The following CPT2 variants were observed in gnomAD, a reference collection of about 807,000 sequenced individuals.
CPT2 encodes carnitine palmitoyltransferase 2.
A neutral mutation model predicts 48.6 loss-of-function variants in CPT2; 37 were observed. The observed-to-expected ratio is 0.76, with a 90% CI of 0.59 to 1.00. The LOEUF (loss-of-function observed/expected upper bound fraction) is 1.00, where lower values mean the gene tolerates loss of function less well. Ranked by LOEUF, CPT2 falls within the 50% of genes least tolerant of loss-of-function variation. The pLI, the probability that CPT2 is intolerant of heterozygous loss-of-function variation, is 0.00. For synonymous variants in CPT2, 319 were observed against 326.9 expected (o/e 0.98, Z 0.26); for missense variants, 772 against 825.6 (o/e 0.94, Z 0.80).
chr1:53,207,946 C>G (rs1432772253), intron 3 of CPT2: 1 of 152,172 alleles, frequency 6.6e-6, no homozygotes. Context: ...TTCTCTCCTG[C>G]CAATTTAGGA....
chr1:53,208,156 C>T (rs1645399693), intron 3 of CPT2: 1 of 152,182 alleles, frequency 6.6e-6, no homozygotes, highest in Non-Finnish European at 1.5e-5. Flanking sequence ...TTTTCTCTCA[C>T]CATTTTAGTG....
At chr1:53,200,538 G>A (rs1645348018) in intron 1 of CPT2, 181 bp from the exon 2 acceptor site, 1 of 597,720 alleles carries the variant, frequency 1.7e-6, no homozygotes. Context: ...TTACTTAAAA[G>A]TAGAGTTACC....
At position 53,210,812 on chromosome 1, in the gene CPT2, G is replaced by C. The variant is rs144875040; in HGVS notation, c.1138G>C (p.Val380Leu). ...GCACTCTTGGGGTGATGGTGTGGCAGTGCTCAGATTTTTTAATGAAGTATT... is the reference window on the plus strand; with the variant it reads ...GCACTCTTGGGGTGATGGTGTGGCACTGCTCAGATTTTTTAATGAAGTATT... ...FEHSWGDGVA[V>L]LRFFNEVFKD... The change falls in exon 4 of 5, where the codon GTG becomes CTG. Residue 380 changes from valine to leucine, a missense_variant. Physicochemically the swap from Val to Leu is conservative, Grantham distance 32. Coordinates refer to ENST00000371486, the MANE Select transcript of CPT2 (RefSeq NM_000098.3). 1 of 1,614,064 alleles carries C rather than the reference G, an allele frequency of 6.2e-7. No homozygotes were observed. The highest frequency in any genetic ancestry group is 1.3e-5 in the African/African-American group (1 of 74,926).
At position 53,210,458 on chromosome 1, in the gene CPT2, A is replaced by G; in HGVS notation, c.784A>G (p.Asn262Asp). The G allele has an allele frequency of 6.2e-7, 1 of 1,614,136 alleles. No homozygotes were observed. Among genetic ancestry groups the G allele is most frequent in the African/African-American group, 1.3e-5 (1 of 75,032 alleles). ...CTTTGATGTCCTGGATCAAGATGGG[A>G]ACATTGTGAGCCCCTCGGAAATCCA... ...YIFDVLDQDG[N>D]IVSPSEIQAH... is the part of the protein sequence containing the mutation. Residue 262 changes from asparagine to aspartate, a missense_variant, in exon 4 of 5, where the codon AAC becomes GAC. Asn to Asp is a conservative substitution (Grantham distance 23). Coordinates refer to ENST00000371486, the MANE Select transcript of CPT2 (RefSeq NM_000098.3).
rs1553169813 is a variant in CPT2, at chr1:53,211,280, T to TC, written c.1608dup (p.Lys537GlnfsTer17). On this transcript the variant is annotated frameshift_variant, in exon 4 of 5. Coordinates refer to ENST00000371486, the MANE Select transcript of CPT2 (RefSeq NM_000098.3). LOFTEE classifies it high-confidence loss of function. ...GCTTCAGCAGATGATGGTTGAGTGC[T>TC]CCAAGTACCATGGCCAGCTGACCAA... 6 of 1,611,058 alleles carry TC rather than the reference T, an allele frequency of 3.7e-6. No individual in the cohort carries two copies. Among genetic ancestry groups the TC allele is most frequent in the African/African-American group, 1.3e-5 (1 of 74,834 alleles).
intron 1 of CPT2, among the ~76,000 whole-genome samples, chr1:53,198,545 C>A (rs1461925654): frequency 6.6e-6 from 1 of 152,174 alleles, no homozygotes; most frequent in Non-Finnish European, 1.5e-5. Flanking sequence ...TGTGTATGAG[C>A]TGAGCCAGTA....
Position 53,208,174 on chromosome 1 carries a change from T to C in CPT2, c.341-1841T>C, listed in dbSNP as rs1419360350. The C allele has an allele frequency of 2.0e-5, 3 of 152,230 alleles. No individual in the cohort carries two copies. In the South Asian group the frequency reaches 6.2e-4, roughly 32 times the overall value. The allele number at this position is 152,230 out of a possible 1,614,324, so 9.4% of individuals were successfully genotyped here. A position where few individuals can be genotyped will look rare whatever the true frequency, so the allele number is the denominator to read the frequency against. ...TCTCTCACCATTTTAGTGCATTGCG[T>C]TATGTTTTAATTATTTGCCTCCTTC... On this transcript the variant is annotated intron_variant, in intron 3 of 4. Transcript: ENST00000371486.
rs1250704536 is a variant in CPT2, at chr1:53,211,649, G to C, written c.1645+330G>C. The C allele has an allele frequency of 7.7e-5, 31 of 400,268 alleles. No individual in the cohort carries two copies. In the Admixed American group the frequency reaches 9.0e-4, roughly 12 times the overall value. The allele number at this position is 400,268 out of a possible 1,614,324, so 24.8% of individuals were successfully genotyped here. A position where few individuals can be genotyped will look rare whatever the true frequency, so the allele number is the denominator to read the frequency against. ...CAAGAGTTTCCCTCCGTCCAGGCTG[G>C]AGTGCAATGGCGTGATCTCGGCTCA... On this transcript the variant is annotated intron_variant, in intron 4 of 4. Transcript: ENST00000371486.
intron 3 of CPT2, chr1:53,204,146 G>A (rs1645371540): frequency 6.6e-6 from 1 of 152,048 alleles, no homozygotes; most frequent in African/African-American, 2.4e-5. Context: ...TCAGGTCTGG[G>A]ATATTTCCTT....
chr1:53,209,953 C>G, intron 3 of CPT2, 62 bp from the exon 4 acceptor site: 1 of 1,458,504 alleles, frequency 6.9e-7, no homozygotes, highest in Non-Finnish European at 9.5e-7. Context: ...TTTTCTTCTT[C>G]AAATTTTATT....
In CPT2 at chr1:53,200,702, C is replaced by G; in HGVS notation, c.153-17C>G. 1 of 1,597,996 alleles carries G rather than the reference C, an allele frequency of 6.3e-7. No homozygotes were observed. The highest frequency in any genetic ancestry group is 8.6e-7 in the Non-Finnish European group (1 of 1,165,440). On this transcript the variant is annotated splice_polypyrimidine_tract_variant and intron_variant, in intron 1 of 4. Transcript: ENST00000371486. ...CCATATACTGTCAGCCTTACACTGA[C>G]CCTGCTTTCTCCCCAGGCTGCCTAT...
intron 1 of CPT2, among the ~76,000 whole-genome samples, chr1:53,197,860 C>A (rs568707558): frequency 6.6e-6 from 1 of 152,110 alleles, no homozygotes; most frequent in Non-Finnish European, 1.5e-5. Context: ...ACCCTCAGTA[C>A]CCCATCCACA....
chr1:53,200,834 G>C (rs1417714327), intron 2 of CPT2, 35 bp downstream of exon 2: 4 of 1,547,798 alleles, frequency 2.6e-6, no homozygotes, highest in Non-Finnish European at 3.6e-6. Flanking sequence ...GCATAGTTGG[G>C]GTGGTTCAAG....
At chr1:53,204,041 T>C (rs937878354) in intron 3 of CPT2, 1 of 152,176 alleles carries the variant, frequency 6.6e-6, no homozygotes, top group Non-Finnish European at 1.5e-5. Flanking sequence ...TTTTTAGAAT[T>C]TTCTCTTTGT....
chr1:53,211,373 A>C, intron 4 of CPT2, 54 bp downstream of exon 4: 1 of 1,476,778 alleles, frequency 6.8e-7, no homozygotes, highest in Non-Finnish European at 9.2e-7. Context: ...TGCTTGGGTA[A>C]GCAAGCCTAA....
chr1:53,210,111 A>C lies in CPT2; in HGVS notation c.437A>C (p.Asn146Thr), dbSNP rs1421884026. The C allele has an allele frequency of 6.2e-7, 1 of 1,614,134 alleles. No individual in the cohort carries two copies. Among genetic ancestry groups the C allele is most frequent in the Non-Finnish European group, 8.5e-7 (1 of 1,180,028 alleles). ...AATCCTGACCCAAAATCTGAGTATA[A>C]TGACCAGCTCACCCGGGCAACCAAC... is the stretch of plus-strand genomic sequence containing the variant. ...AFNPDPKSEY[N>T]DQLTRATNMT... The change falls in exon 4 of 5, where the codon AAT (asparagine) becomes ACT (threonine). Residue 146 changes from asparagine (N) to threonine (T), a missense_variant. Coordinates refer to ENST00000371486, the MANE Select transcript of CPT2 (RefSeq NM_000098.3).
intron 1 of CPT2, 143 bp downstream of exon 1, chr1:53,197,238 G>T: frequency 3.9e-6 from 4 of 1,034,016 alleles, no homozygotes; most frequent in East Asian, 2.6e-5. Flanking sequence ...CCCTAATCTG[G>T]AAGTCTTGGG....
At chr1:53,202,174 T>C (rs1402036327) in intron 2 of CPT2, 149 bp from the exon 3 acceptor site, 1 of 674,502 alleles carries the variant, frequency 1.5e-6, no homozygotes, top group African/African-American at 1.8e-5. Context: ...TTGATTCCTG[T>C]TCTGGTTAGA....
chr1:53,210,255 T>C lies in CPT2; in HGVS notation c.581T>C (p.Phe194Ser). 1 of 1,614,168 alleles carries C rather than the reference T, an allele frequency of 6.2e-7. No homozygotes were observed. Among genetic ancestry groups the C allele is most frequent in the South Asian group, 1.1e-5 (1 of 91,086 alleles). ...DTITFKRLIR[F>S]VPSSLSWYGA... ...ATCACCTTCAAGAGACTCATACGCTTTGTGCCTTCCTCTCTGTCCTGGTAT... is the reference window on the plus strand; with the variant it reads ...ATCACCTTCAAGAGACTCATACGCTCTGTGCCTTCCTCTCTGTCCTGGTAT... Residue 194 changes from phenylalanine (F) to serine (S), a missense_variant, in exon 4 of 5, where the codon TTT (phenylalanine) becomes TCT (serine). By Grantham distance (155) the Phe-to-Ser change is radical (BLOSUM62 -2). Coordinates refer to ENST00000371486, the MANE Select transcript of CPT2 (RefSeq NM_000098.3).
Sources: allele counts gnomAD v4.1 joint callset (sites outside exome capture counted in the v4.1 genomes callset), GRCh38; gene constraint gnomAD v4.1.1; transcripts MANE v1.5; gene names NCBI Gene and HGNC (gene_info 2026-07-23, HGNC 2026-07-21).